Variants in LRTM3 observed in about 807,000 individuals in gnomAD.
The protein encoded by LRTM3 is leucine rich repeat transmembrane protein 3, also known as leucine-rich repeat transmembrane protein 3.
At chr13:102,746,366 G>C in the LRTM3 span, 22 of 1,550,360 alleles carry the variant, frequency 1.4e-5, no homozygotes, top group Non-Finnish European at 1.9e-5. Context: ...AAAGACATCA[G>C]TGTATGTCTT....
the LRTM3 span, chr13:102,749,413 CAG>C: frequency 2.6e-6 from 4 of 1,551,310 alleles, no homozygotes; most frequent in South Asian, 3.6e-5. Context: ...AATTTGGATT[CAG>C]AGTTAAAACG....
the LRTM3 span, chr13:102,740,401 A>G: frequency 1.3e-6 from 2 of 1,550,106 alleles, no homozygotes; most frequent in African/African-American, 2.7e-5. Flanking sequence ...GGCTTGATAA[A>G]TTACCTCCTT....
chr13:102,736,672 T>G, the LRTM3 span: 2 of 1,550,758 alleles, frequency 1.3e-6, no homozygotes, highest in Non-Finnish European at 1.7e-6. Context: ...TTTCCCCTTG[T>G]TGACTGATGT....
At chr13:102,738,038 C>G in the LRTM3 span, 1 of 1,550,194 alleles carries the variant, frequency 6.5e-7, no homozygotes, top group African/African-American at 1.4e-5. Flanking sequence ...TTGTCCTGCA[C>G]CTCTTCTGTC....
chr13:102,742,885 A>G, the LRTM3 span: 45 of 1,550,718 alleles, frequency 2.9e-5, no homozygotes, highest in Non-Finnish European at 3.8e-5. Context: ...TTGATATGGC[A>G]TCATCTGTTG....
chr13:102,742,081 T>C, the LRTM3 span: 1 of 1,550,506 alleles, frequency 6.4e-7, no homozygotes, highest in Non-Finnish European at 8.7e-7. Flanking sequence ...TTGGCTTGTC[T>C]TTCTCCATTT....
the LRTM3 span, chr13:102,758,652 T>A: frequency 6.6e-7 from 1 of 1,511,882 alleles, no homozygotes; most frequent in South Asian, 1.3e-5. Context: ...ATTATTCTTA[T>A]GTCTGATTTT....
chr13:102,743,700 T>G, the LRTM3 span: 1 of 1,549,900 alleles, frequency 6.5e-7, no homozygotes, highest in Non-Finnish European at 8.7e-7. Flanking sequence ...CACTTTCTGT[T>G]GGATACAGTT....
chr13:102,741,103 G>C, the LRTM3 span: 3 of 1,549,950 alleles, frequency 1.9e-6, no homozygotes, highest in Non-Finnish European at 1.7e-6. Context: ...GATGCAATAT[G>C]CAAGGGAGAA....
At chr13:102,736,439 A>G in the LRTM3 span, 10 of 1,550,908 alleles carry the variant, frequency 6.4e-6, no homozygotes, top group South Asian at 1.2e-5. Context: ...CTGTGGAAGG[A>G]GTTGTTTCTC....
At chr13:102,736,249 C>CCTGTCCTGCTT in the LRTM3 span, 1 of 1,550,678 alleles carries the variant, frequency 6.4e-7, no homozygotes. Context: ...GACGTCCTGT[C>CCTGTCCTGCTT]CTGTCCTGCT....
the LRTM3 span, chr13:102,733,797 C>T: frequency 1.7e-5 from 27 of 1,551,384 alleles, no homozygotes; most frequent in East Asian, 4.9e-5. Flanking sequence ...CTTTGCTGGA[C>T]GCTGATCATG....
At chr13:102,751,230 G>T in the LRTM3 span, among the ~76,000 whole-genome samples, 1 of 151,918 alleles carries the variant, frequency 6.6e-6, no homozygotes, top group South Asian at 2.1e-4. Flanking sequence ...CCAGCAAGAG[G>T]AAATTCTGTC....
At chr13:102,744,707 G>A in the LRTM3 span, 1 of 1,550,506 alleles carries the variant, frequency 6.4e-7, no homozygotes, top group African/African-American at 1.4e-5. Flanking sequence ...GCATGGAACT[G>A]ATTCTGTTAA....
the LRTM3 span, chr13:102,738,952 C>T: frequency 6.4e-7 from 1 of 1,550,548 alleles, no homozygotes; most frequent in Non-Finnish European, 8.7e-7. Flanking sequence ...CTTTCTGCGG[C>T]ATATGTTTTG....
the LRTM3 span, chr13:102,738,190 C>A: frequency 6.4e-7 from 1 of 1,550,718 alleles, no homozygotes; most frequent in African/African-American, 1.4e-5. Context: ...CTTCTGGATG[C>A]ATTATGTCTT....
chr13:102,734,256 C>T, the LRTM3 span: 1 of 1,551,216 alleles, frequency 6.4e-7, no homozygotes, highest in African/African-American at 1.4e-5. Context: ...CTTACATCAC[C>T]ACTCCTTGCC....
At chr13:102,730,634 G>C in the LRTM3 span, 1 of 1,552,040 alleles carries the variant, frequency 6.4e-7, no homozygotes, top group South Asian at 1.2e-5. Flanking sequence ...TCTGATGAGT[G>C]ATGAGTTTTC....
At chr13:102,733,609 C>T in the LRTM3 span, 34 of 1,551,124 alleles carry the variant, frequency 2.2e-5, no homozygotes, top group East Asian at 1.7e-4. Flanking sequence ...AGGAAAGAAA[C>T]GCAGTTAAAG....
Sources: gnomAD v4.1 joint callset for allele counts (sites outside exome capture counted in the v4.1 genomes callset) on GRCh38, gnomAD v4.1.1 for gene constraint, MANE v1.5 for transcripts, NCBI Gene and HGNC (gene_info 2026-07-23, HGNC 2026-07-21) for gene names.